Variants in PHOX2A observed in about 807,000 individuals in gnomAD.
PHOX2A encodes the protein paired mesoderm homeobox protein 2A.
A neutral mutation model predicts 16.4 loss-of-function variants in PHOX2A; 10 were observed. That is an observed-to-expected ratio of 0.61 (90% confidence interval 0.38 to 1.04). The LOEUF (loss-of-function observed/expected upper bound fraction) is 1.04. PHOX2A is among the 50% of genes least tolerant of loss of function. The pLI is 0.01. For missense variants in PHOX2A, 361 were observed against 419.4 expected (o/e 0.86, Z 1.22); for synonymous variants, 219 against 203.8 (o/e 1.07, Z -0.64).
chr11:72,241,444 C>G (rs1237673572), intron 1 of PHOX2A, among the ~76,000 whole-genome samples, 155 bp from the exon 2 acceptor site: 1 of 152,062 alleles, frequency 6.6e-6, no homozygotes, highest in African/African-American at 2.4e-5. Context: ...TGGGGCCGAG[C>G]GTCCTCCCTA....
rs766349697 is a variant in PHOX2A, at chr11:72,239,772, C to T, written c.832G>A (p.Ala278Thr). 1.9e-5 allele frequency: 25 copies of T among 1,323,176 alleles called. No individual in the cohort carries two copies. Among genetic ancestry groups the T allele is most frequent in the South Asian group, 2.7e-5 (1 of 37,172 alleles). The allele number at this position is 1,323,176 out of a possible 1,614,324, so 82.0% of individuals were successfully genotyped here. A position where few individuals can be genotyped will look rare whatever the true frequency, so the allele number is the denominator to read the frequency against. The change falls in exon 3 of 3, where the codon GCC becomes ACC. Residue 278 changes from alanine (A) to threonine (T), a missense_variant. Physicochemically the swap from Ala to Thr is moderately conservative, Grantham distance 58. This residue lies in a region of PHOX2A where 71 missense variants were observed against 54.1 expected (regional missense o/e 1.31). Transcript: ENST00000298231. Reference sequence around the variant, plus strand: ...AGCTAGAAGAGATTGGTCTTCAGGGCGGGGCCGGGCTTCCGGTGAAAGGAG... The same window carrying T: ...AGCTAGAAGAGATTGGTCTTCAGGGTGGGGCCGGGCTTCCGGTGAAAGGAG... ...LSSFHRKPGPALKTNLF is the reference protein window; with the variant it reads ...LSSFHRKPGPTLKTNLF
At position 72,243,851 on chromosome 11, in the gene PHOX2A, G is replaced by C. The variant is rs1447989710; in HGVS notation, c.154C>G (p.Leu52Val). 2 of 1,264,184 alleles carry C rather than the reference G, an allele frequency of 1.6e-6. No individual in the cohort carries two copies. The highest frequency in any genetic ancestry group is 3.1e-5 in the African/African-American group (2 of 64,574). The allele number at this position is 1,264,184 out of a possible 1,614,324, so 78.3% of individuals were successfully genotyped here. A position where few individuals can be genotyped will look rare whatever the true frequency, so the allele number is the denominator to read the frequency against. ...CCAAGTGCGCAGTTGGAGGAGCCGA[G>C]CGCGGGGCAGGGCGGCCCTGCCGCG... ...FPAAGPPCPA[L>V]GSSNCALGAL... is the part of the protein sequence containing the mutation. The change falls in exon 1 of 3, where the codon CTC becomes GTC. Residue 52 changes from leucine to valine, a missense_variant. By Grantham distance (32) the Leu-to-Val change is conservative. Transcript: ENST00000298231.
chr11:72,241,078 G>C (rs370740429), intron 2 of PHOX2A, 24 bp downstream of exon 2: 4 of 1,611,240 alleles, frequency 2.5e-6, no homozygotes, highest in Non-Finnish European at 3.4e-6. Context: ...GCGCACTCTC[G>C]TACACACACG....
At position 72,239,948 on chromosome 11, in the gene PHOX2A, C is replaced by T. The variant is rs1949100486; in HGVS notation, c.656G>A (p.Gly219Glu). The T allele has an allele frequency of 2.3e-6, 3 of 1,299,882 alleles. No homozygotes were observed. The highest frequency in any genetic ancestry group is 2.0e-6 in the Non-Finnish European group (2 of 1,024,004). The allele number at this position is 1,299,882 out of a possible 1,614,324, so 80.5% of individuals were successfully genotyped here. The part of the protein sequence containing the change: ...PLPVALGSGP[G>E]PGPGPQPLKG... ...GAGCGGCTGTGGCCCCGGCCCAGGT[C>T]CCGGCCCGGAGCCCAGTGCGACGGG... The change falls in exon 3 of 3, where the codon GGA becomes GAA. Residue 219 changes from glycine to glutamate, a missense_variant. Physicochemically the swap from Gly to Glu is moderately conservative, Grantham distance 98. Coordinates refer to ENST00000298231, the MANE Select transcript of PHOX2A (RefSeq NM_005169.4).
rs1453482668 is a variant in PHOX2A, at chr11:72,241,116, CAGTG to C, written c.387_390del (p.Thr130ArgfsTer75). 1 of 1,613,996 alleles carries C rather than the reference CAGTG, an allele frequency of 6.2e-7. No individual in the cohort carries two copies. Among genetic ancestry groups the C allele is most frequent in the Non-Finnish European group, 8.5e-7 (1 of 1,180,026 alleles). ...CATACACGCACCTGCACGCGAGCCTCAGTGAGGTCGATCTTGAGCGCCAGCTCCT... is the reference window on the plus strand; with the variant it reads ...CATACACGCACCTGCACGCGAGCCTCAGGTCGATCTTGAGCGCCAGCTCCT... On this transcript the variant is annotated frameshift_variant, in exon 2 of 3. Coordinates refer to ENST00000298231, the MANE Select transcript of PHOX2A (RefSeq NM_005169.4). LOFTEE classifies it low-confidence loss of function (END_TRUNC).
rs1237133294 is a variant in PHOX2A at position 72,243,855 on chromosome 11, G to A, written c.150C>T (p.Pro50=). The change falls in exon 1 of 3, where the codon CCC becomes CCT. Residue 50 remains proline, a synonymous_variant. Transcript: ENST00000298231. ...GTGCGCAGTTGGAGGAGCCGAGCGC[G>A]GGGCAGGGCGGCCCTGCCGCGGGGA... ...PAFPAAGPPC[P]ALGSSNCALG... 9 of 1,267,398 alleles carry A rather than the reference G, an allele frequency of 7.1e-6. No individual in the cohort carries two copies. The highest frequency in any genetic ancestry group is 9.0e-6 in the Non-Finnish European group (9 of 1,002,600). 78.5% of individuals were successfully genotyped at this position (1,267,398 alleles called of 1,614,324 possible).
chr11:72,243,078 G>A (rs1949134751), intron 1 of PHOX2A, among the ~76,000 whole-genome samples: 1 of 152,210 alleles, frequency 6.6e-6, no homozygotes, highest in South Asian at 2.1e-4. Context: ...TGACTGAGAA[G>A]CTCAGTGAGG....
chr11:72,242,911 C>T (rs1228386912), intron 1 of PHOX2A, among the ~76,000 whole-genome samples: 3 of 152,028 alleles, frequency 2.0e-5, no homozygotes, highest in Non-Finnish European at 4.4e-5. Flanking sequence ...AAGTGATCCA[C>T]CCGCCTTGGC....
intron 1 of PHOX2A, among the ~76,000 whole-genome samples, chr11:72,242,897 C>T (rs1370720503): frequency 6.6e-6 from 1 of 151,750 alleles, no homozygotes; most frequent in Non-Finnish European, 1.5e-5. Context: ...GAACTCTTGA[C>T]CTCAAGTGAT....
At chr11:72,243,554 C>T (rs982783274) in intron 1 of PHOX2A, among the ~76,000 whole-genome samples, 2 of 152,194 alleles carry the variant, frequency 1.3e-5, no homozygotes, top group Non-Finnish European at 1.5e-5. Context: ...ATTTCCTTGA[C>T]CTGAAGGGCA....
chr11:72,240,962 C>T, intron 2 of PHOX2A, 140 bp downstream of exon 2: 3 of 866,788 alleles, frequency 3.5e-6, no homozygotes, highest in East Asian at 2.7e-5. Flanking sequence ...TGCTGCCTCC[C>T]GTAGCTGCCC....
Position 72,239,991 on chromosome 11 carries a change from G to A in PHOX2A, c.613C>T (p.Leu205=). 1 of 1,373,136 alleles carries A rather than the reference G, an allele frequency of 7.3e-7. No homozygotes were observed. The highest frequency in any genetic ancestry group is 1.8e-5 in the South Asian group (1 of 55,674). The allele number at this position is 1,373,136 out of a possible 1,614,324, so 85.1% of individuals were successfully genotyped here. A position where few individuals can be genotyped will look rare whatever the true frequency, so the allele number is the denominator to read the frequency against. ...PPAPGLASPR[L]SPSPLPVALG... ...GCGACGGGCAGCGGGCTGGGGCTCA[G>A]GCGCGGGCTGGCCAGGCCGGGCGCA... The change falls in exon 3 of 3, where the codon CTG becomes TTG. Residue 205 remains leucine (L), a synonymous_variant. Transcript: ENST00000298231.
intron 2 of PHOX2A, 58 bp from the exon 3 acceptor site, chr11:72,240,256 C>A (rs1327702028): frequency 2.6e-6 from 4 of 1,521,900 alleles, no homozygotes; most frequent in African/African-American, 1.4e-5. Flanking sequence ...CGGGGTCAGC[C>A]CGCGGCCGCA....
chr11:72,244,159 C>A lies in PHOX2A; in HGVS notation c.-155G>T, dbSNP rs1029682352. ...CCCGCCCCGTCGCGGCCGCACTCAG[C>A]CCGGGTGCAACGCAAGTGCAGCCAG... is the stretch of plus-strand genomic sequence containing the variant. On this transcript the variant is annotated 5_prime_UTR_variant, in exon 1 of 3. Coordinates refer to ENST00000298231, the MANE Select transcript of PHOX2A (RefSeq NM_005169.4). The A allele has an allele frequency of 1.3e-5, 5 of 399,024 alleles. No homozygotes were observed. The highest frequency in any genetic ancestry group is 2.2e-5 in the Non-Finnish European group (5 of 228,944). The allele number at this position is 399,024 out of a possible 1,614,324, so 24.7% of individuals were successfully genotyped here.
rs1949119437 is a variant in PHOX2A at position 72,241,320 on chromosome 11, G to GGC, written c.218-32_218-31insGC. ...GGTGTGTGCAGGGGGGCCGGGGGGG[G>GGC]GGCAAAAAGGATGGGGGAGTGAGAA... On this transcript the variant is annotated intron_variant, in intron 1 of 2. Transcript: ENST00000298231. 2 of 1,080,562 alleles carry GGC rather than the reference G, an allele frequency of 1.9e-6. 1 individual carries two copies. The highest frequency in any genetic ancestry group is 3.3e-5 in the African/African-American group (2 of 61,086). The allele number at this position is 1,080,562 out of a possible 1,614,324, so 66.9% of individuals were successfully genotyped here.
At chr11:72,240,324 G>C in intron 2 of PHOX2A, 126 bp from the exon 3 acceptor site, 1 of 1,320,024 alleles carries the variant, frequency 7.6e-7, no homozygotes, top group Non-Finnish European at 1.0e-6. Flanking sequence ...ACTAGTTGGA[G>C]GGGCCTTCGG....
At chr11:72,242,823 A>ATT (rs33910008) in intron 1 of PHOX2A, among the ~76,000 whole-genome samples, 69 of 146,524 alleles carry the variant, frequency 4.7e-4, no homozygotes, top group South Asian at 1.1e-3. Flanking sequence ...TGCCCAGCTA[A>ATT]TTTTTTTTTT....
chr11:72,239,869 C>T lies in PHOX2A; in HGVS notation c.735G>A (p.Ala245=), dbSNP rs1276088657. 2 of 1,370,172 alleles carry T rather than the reference C, an allele frequency of 1.5e-6. No homozygotes were observed. The highest frequency in any genetic ancestry group is 1.9e-6 in the Non-Finnish European group (2 of 1,049,188). The allele number at this position is 1,370,172 out of a possible 1,614,324, so 84.9% of individuals were successfully genotyped here. Residue 245 remains alanine (A), a synonymous_variant, in exon 3 of 3, where the codon GCG becomes GCA. Transcript: ENST00000298231. Reference sequence around the variant, plus strand: ...AAGCCTTAAGTAGTTCGGCCGCTCCCGCGCCAGGCCCGCCGCCCCCACCGC... The same window carrying T: ...AAGCCTTAAGTAGTTCGGCCGCTCCTGCGCCAGGCCCGCCGCCCCCACCGC... The part of the protein sequence containing the change: ...VAGGGGGGPG[A]GAAELLKAWQ...
In PHOX2A at chr11:72,239,593, C is replaced by T; in HGVS notation, c.*156G>A. The T allele has an allele frequency of 2.0e-6, 1 of 505,576 alleles. No individual in the cohort carries two copies. 31.3% of individuals were successfully genotyped at this position (505,576 alleles called of 1,614,324 possible). A position where few individuals can be genotyped will look rare whatever the true frequency, so the allele number is the denominator to read the frequency against. On this transcript the variant is annotated 3_prime_UTR_variant, in exon 3 of 3. Coordinates refer to ENST00000298231, the MANE Select transcript of PHOX2A (RefSeq NM_005169.4). ...AGGACGAGAGTGGCCCTGACTTGGTCTCCAAAGTTGGGGAGGACACACCGA... is the reference window on the plus strand; with the variant it reads ...AGGACGAGAGTGGCCCTGACTTGGTTTCCAAAGTTGGGGAGGACACACCGA...
Sources: gnomAD v4.1 joint callset for allele counts (sites outside exome capture counted in the v4.1 genomes callset) on GRCh38, gnomAD v4.1.1 for gene constraint, gnomAD v4.1.1 regional missense constraint, MANE v1.5 for transcripts, NCBI Gene and HGNC (gene_info 2026-07-23, HGNC 2026-07-21) for gene names.